The following STXBP5L variants were observed in gnomAD, a reference collection of about 807,000 sequenced individuals.
The protein encoded by STXBP5L is syntaxin binding protein 5L, also known as syntaxin-binding protein 5-like.
STXBP5L carries 65 observed loss-of-function variants against 144.5 expected under a neutral mutation model. That is an observed-to-expected ratio of 0.45 (90% confidence interval 0.37 to 0.55). STXBP5L has a LOEUF of 0.55. STXBP5L is among the 20% of genes least tolerant of loss of function. STXBP5L has a pLI of 0.00. For synonymous variants in STXBP5L, 505 were observed against 469.6 expected (o/e 1.08, Z -0.97); for missense variants, 1,298 against 1,405.5 (o/e 0.92, Z 1.22).
At chr3:121,318,074 T>G (rs2043843091) in intron 19 of STXBP5L, among the ~76,000 whole-genome samples, 1 of 152,046 alleles carries the variant, frequency 6.6e-6, no homozygotes, top group Admixed American at 6.6e-5. Context: ...AAAAAAGGAT[T>G]TTATATCTTT....
chr3:121,168,957 C>G lies in STXBP5L; in HGVS notation c.877+11330C>G, dbSNP rs147084371. ...CCAGGGAGAAAGGTCAGGTTACCCACAAAGGGAAGCCCATTAGACTGACAG... is the reference window on the plus strand; with the variant it reads ...CCAGGGAGAAAGGTCAGGTTACCCAGAAAGGGAAGCCCATTAGACTGACAG... On this transcript the variant is annotated intron_variant, in intron 9 of 26. Coordinates refer to ENST00000471454, the MANE Select transcript of STXBP5L (RefSeq NM_001308330.2). Among the ~76,000 whole-genome samples the G allele has an allele frequency of 7.2e-5, 11 of 152,276 alleles. No homozygotes were observed. In the East Asian group the frequency reaches 2.1e-3, roughly 29 times the overall value.
intron 2 of STXBP5L, among the ~76,000 whole-genome samples, chr3:120,950,394 C>G (rs1711134283): frequency 6.6e-6 from 1 of 151,924 alleles, no homozygotes; most frequent in Non-Finnish European, 1.5e-5. Context: ...ATCCTTATGC[C>G]AATACCTTAT....
At chr3:121,284,267 T>C (rs1387009585) in intron 19 of STXBP5L, among the ~76,000 whole-genome samples, 2 of 152,048 alleles carry the variant, frequency 1.3e-5, no homozygotes, top group Non-Finnish European at 2.9e-5. Flanking sequence ...ATTCTCCTCT[T>C]AAGCCAAATT....
intron 3 of STXBP5L, among the ~76,000 whole-genome samples, chr3:121,039,165 G>A (rs1946967745): frequency 6.7e-6 from 1 of 148,948 alleles, no homozygotes. Context: ...TATCTTACTA[G>A]TTCTTAGCTC....
At chr3:121,352,031 C>T (rs988432850) in intron 20 of STXBP5L, among the ~76,000 whole-genome samples, 1 of 152,016 alleles carries the variant, frequency 6.6e-6, no homozygotes, top group Non-Finnish European at 1.5e-5. Flanking sequence ...CTATTCTGTT[C>T]CATTGGTCTA....
In STXBP5L at chr3:121,304,595, C is replaced by T. The variant is rs534049691; in HGVS notation, c.2111-13880C>T. ...TCCCTAATACTTGAAAATTAAGCAA[C>T]TCATCTCTAAATAACTCATAGCTTA... On this transcript the variant is annotated intron_variant, in intron 19 of 26. Coordinates refer to ENST00000471454, the MANE Select transcript of STXBP5L (RefSeq NM_001308330.2). Among the ~76,000 whole-genome samples the T allele has an allele frequency of 4.4e-4, 67 of 152,134 alleles. No individual in the cohort carries two copies. The South Asian group carries it at 0.011, about 24-fold the overall frequency.
intron 5 of STXBP5L, among the ~76,000 whole-genome samples, chr3:121,067,823 C>T (rs1171764090): frequency 6.6e-6 from 1 of 152,048 alleles, no homozygotes; most frequent in Non-Finnish European, 1.5e-5. Context: ...GTATTTATTA[C>T]TTTATCATTA....
intron 22 of STXBP5L, among the ~76,000 whole-genome samples, chr3:121,391,502 G>T (rs2046583194): frequency 1.3e-5 from 2 of 152,116 alleles, no homozygotes; most frequent in African/African-American, 4.8e-5. Flanking sequence ...TTCTGCTCTG[G>T]TTTCTCCCCA....
At position 121,091,881 on chromosome 3, in the gene STXBP5L, T is replaced by C. The variant is rs2042819158; in HGVS notation, c.471-23044T>C. On this transcript the variant is annotated intron_variant, in intron 5 of 26. Coordinates refer to ENST00000471454, the MANE Select transcript of STXBP5L (RefSeq NM_001308330.2). Reference sequence around the variant, plus strand: ...TATGTCCTGAATGGTAATGCCTAGGTTTTCTTCTAGGATCTTTATGGTTTT... The same window carrying C: ...TATGTCCTGAATGGTAATGCCTAGGCTTTCTTCTAGGATCTTTATGGTTTT... 2.0e-5 allele frequency among the ~76,000 whole-genome samples: 3 copies of C among 152,164 alleles called. No homozygotes were observed. In the South Asian group the frequency reaches 6.2e-4, roughly 32 times the overall value.
chr3:121,105,814 A>G (rs2043676644), intron 5 of STXBP5L, among the ~76,000 whole-genome samples: 1 of 152,192 alleles, frequency 6.6e-6, no homozygotes, highest in Non-Finnish European at 1.5e-5. Flanking sequence ...TCAACGTCAC[A>G]TTAATTAATA....
chr3:120,970,427 A>G (rs1940110919), intron 3 of STXBP5L, among the ~76,000 whole-genome samples: 1 of 152,140 alleles, frequency 6.6e-6, no homozygotes, highest in South Asian at 2.1e-4. Flanking sequence ...AATGTGTTTA[A>G]ATGATACTTT....
chr3:121,311,308 A>G (rs2043518768), intron 19 of STXBP5L, among the ~76,000 whole-genome samples: 1 of 152,218 alleles, frequency 6.6e-6, no homozygotes. Flanking sequence ...CATAGTGGAA[A>G]GACTATGGAA....
chr3:121,247,518 A>G (rs1341978782), intron 14 of STXBP5L, among the ~76,000 whole-genome samples: 1 of 152,054 alleles, frequency 6.6e-6, no homozygotes, highest in East Asian at 1.9e-4. Context: ...TTCTGTGTTT[A>G]TGTCCATGTG....
chr3:121,389,532 A>G (rs1365903108), intron 22 of STXBP5L, among the ~76,000 whole-genome samples: 1 of 152,142 alleles, frequency 6.6e-6, no homozygotes, highest in Non-Finnish European at 1.5e-5. Flanking sequence ...AGTGCTATAC[A>G]TTTCCCTCTA....
intron 9 of STXBP5L, among the ~76,000 whole-genome samples, chr3:121,195,813 A>G (rs917366215): frequency 2.6e-5 from 4 of 151,838 alleles, no homozygotes; most frequent in African/African-American, 4.8e-5. Flanking sequence ...GAATGGTGGA[A>G]CCTGCAGGGA....
intron 2 of STXBP5L, among the ~76,000 whole-genome samples, chr3:120,914,679 A>G (rs1015322644): frequency 2.0e-5 from 3 of 152,104 alleles, no homozygotes; most frequent in Non-Finnish European, 4.4e-5. Flanking sequence ...TCACAGTTCC[A>G]CAGTTATAAA....
chr3:121,310,663 C>A (rs566543928), intron 19 of STXBP5L, among the ~76,000 whole-genome samples: 21 of 151,562 alleles, frequency 1.4e-4, no homozygotes, highest in African/African-American at 4.8e-4. Flanking sequence ...AATCCTAGCA[C>A]CTTGGGAGGC....
At chr3:121,348,578 A>C (rs148941920) in intron 20 of STXBP5L, among the ~76,000 whole-genome samples, 2,879 of 152,148 alleles carry the variant, frequency 0.019, 47 homozygotes, top group Non-Finnish European at 0.027. Context: ...CTGTGAATCC[A>C]TCTGGTCCTA....
intron 25 of STXBP5L, among the ~76,000 whole-genome samples, chr3:121,417,826 T>C (rs2047275064): frequency 6.6e-6 from 1 of 152,214 alleles, no homozygotes; most frequent in Non-Finnish European, 1.5e-5. Context: ...TAAATCAATT[T>C]TTTAACACAC....
Sources: allele counts gnomAD v4.1 joint callset (sites outside exome capture counted in the v4.1 genomes callset), GRCh38; gene constraint gnomAD v4.1.1; transcripts MANE v1.5; gene names NCBI Gene and HGNC (gene_info 2026-07-23, HGNC 2026-07-21).